The following PRKD3 variants were observed in gnomAD, a reference collection of about 807,000 sequenced individuals.
The protein encoded by PRKD3 is serine/threonine-protein kinase D3.
PRKD3 carries 47 observed loss-of-function variants against 99.2 expected under a neutral mutation model. That is an observed-to-expected ratio of 0.47 (90% CI 0.38 to 0.60). The LOEUF (loss-of-function observed/expected upper bound fraction) is 0.60, where lower values mean the gene tolerates loss of function less well. Ranked by LOEUF, PRKD3 falls within the 20% of genes least tolerant of loss-of-function variation. PRKD3 has a pLI of 0.00. For synonymous variants in PRKD3, 392 were observed against 355.4 expected (o/e 1.10, Z -1.16); for missense variants, 1,019 against 1,088.4 (o/e 0.94, Z 0.90).
rs1466185037 is a variant in PRKD3 at position 37,316,636 on chromosome 2, A to G, written c.-112T>C. ...TGACCGCACTTTTGGATTTAGTTGA[A>G]AACTTCTTTATTTCCTCTGTTAAGC... On this transcript the variant is annotated 5_prime_UTR_variant, in exon 2 of 19. Coordinates refer to ENST00000234179, the MANE Select transcript of PRKD3 (RefSeq NM_005813.6). 1.3e-6 allele frequency: 2 copies of G among 1,482,216 alleles called. No homozygotes were observed. The highest frequency in any genetic ancestry group is 4.8e-5 in the East Asian group (2 of 41,812). 91.8% of individuals were successfully genotyped at this position (1,482,216 alleles called of 1,614,324 possible). A position where few individuals can be genotyped will look rare whatever the true frequency, so the allele number is the denominator to read the frequency against.
At chr2:37,262,899 C>CT (rs909719531) in intron 14 of PRKD3, among the ~76,000 whole-genome samples, 1 of 147,364 alleles carries the variant, frequency 6.8e-6, no homozygotes, top group African/African-American at 2.5e-5. Flanking sequence ...ATTCCTTCCC[C>CT]CCCCCGTATT....
chr2:37,264,919 G>T (rs11124572), intron 14 of PRKD3, among the ~76,000 whole-genome samples: 12,928 of 152,088 alleles, frequency 0.085, 614 homozygotes, highest in African/African-American at 0.11. Flanking sequence ...TGGATACTCC[G>T]GGATAAACTG....
At chr2:37,324,147 G>A in intron 1 of PRKD3, 1 of 984,072 alleles carries the variant, frequency 1.0e-6, no homozygotes, top group Non-Finnish European at 1.2e-6. Flanking sequence ...TCCAAACGCA[G>A]TCGGGATACT....
chr2:37,313,388 T>C (rs975624944), intron 2 of PRKD3, among the ~76,000 whole-genome samples: 1 of 149,700 alleles, frequency 6.7e-6, no homozygotes, highest in South Asian at 2.1e-4. Context: ...GGAGGTACTA[T>C]GGAATTATAT....
rs746183157 is a variant in PRKD3, at chr2:37,274,453, A to T, written c.1619T>A (p.Val540Asp). The change falls in exon 11 of 19, where the codon GTT becomes GAT. Residue 540 changes from valine to aspartate, a missense_variant. Coordinates refer to ENST00000234179, the MANE Select transcript of PRKD3 (RefSeq NM_005813.6). ...TTTCCCTTGCCCTGGAGAAGTGCAAACACTTGCTTGAGGAGTAACAGGCAT... is the reference window on the plus strand; with the variant it reads ...TTTCCCTTGCCCTGGAGAAGTGCAATCACTTGCTTGAGGAGTAACAGGCAT... ...ALMPVTPQAS[V>D]CTSPGQGKDH... The T allele has an allele frequency of 6.2e-7, 1 of 1,614,160 alleles. No homozygotes were observed. The highest frequency in any genetic ancestry group is 1.1e-5 in the South Asian group (1 of 91,080).
intron 1 of PRKD3, among the ~76,000 whole-genome samples, chr2:37,322,105 T>G (rs527353810): frequency 2.6e-5 from 4 of 152,304 alleles, no homozygotes; most frequent in African/African-American, 4.8e-5. Context: ...CCTCTTGACA[T>G]GTATTAATAT....
At chr2:37,311,031 A>G (rs1399598749) in intron 2 of PRKD3, among the ~76,000 whole-genome samples, 1 of 152,168 alleles carries the variant, frequency 6.6e-6, no homozygotes, top group Non-Finnish European at 1.5e-5. Context: ...GCAGAATCAC[A>G]AAACTTTTTA....
chr2:37,270,469 T>C (rs1214858966), intron 12 of PRKD3, among the ~76,000 whole-genome samples: 1 of 152,084 alleles, frequency 6.6e-6, no homozygotes, highest in Non-Finnish European at 1.5e-5. Context: ...CCTCTATCTT[T>C]CCTCACTGCT....
intron 2 of PRKD3, among the ~76,000 whole-genome samples, chr2:37,311,602 C>T (rs1302048757): frequency 6.6e-6 from 1 of 152,158 alleles, no homozygotes; most frequent in African/African-American, 2.4e-5. Flanking sequence ...GCAATTATCA[C>T]ATTAACCTAT....
intron 16 of PRKD3, among the ~76,000 whole-genome samples, chr2:37,257,667 AAAAG>A (rs141444974): frequency 0.44 from 33,887 of 77,232 alleles, 6,005 homozygotes; most frequent in East Asian, 0.69. Context: ...ACTCTGTCTC[AAAAG>A]AAAAAAAAAA....
At position 37,286,213 on chromosome 2, in the gene PRKD3, G is replaced by A; in HGVS notation, c.874C>T (p.Leu292=). The A allele has an allele frequency of 6.2e-7, 1 of 1,613,476 alleles. No homozygotes were observed. The change falls in exon 6 of 19, where the codon CTG becomes TTG. Residue 292 remains leucine (L), a synonymous_variant. Transcript: ENST00000234179. ...PTICQYCKRL[L]KGLFRQGMQC... ...ATTCCTTGGCGAAAGAGGCCTTTCA[G>A]TAACCGCTTGCAGTACTGACATATC...
intron 2 of PRKD3, among the ~76,000 whole-genome samples, chr2:37,310,965 C>G (rs184563151): frequency 6.6e-6 from 1 of 152,118 alleles, no homozygotes; most frequent in Admixed American, 6.5e-5. Flanking sequence ...GAGATTATCA[C>G]GAATTTCTTG....
chr2:37,260,103 T>G (rs1207153875), intron 15 of PRKD3, 120 bp downstream of exon 15: 2 of 844,108 alleles, frequency 2.4e-6, no homozygotes, highest in African/African-American at 3.4e-5. Flanking sequence ...AGGCAGAGGT[T>G]GCAGTGAGCC....
rs144173401 is a variant in PRKD3, at chr2:37,258,692, G to C, written c.2145+891C>G. On this transcript the variant is annotated intron_variant, in intron 16 of 18. Coordinates refer to ENST00000234179, the MANE Select transcript of PRKD3 (RefSeq NM_005813.6). ...AACCCTTTCGACCTCAAAATGATAG[G>C]GAATCACTTTTAACCACATAAACAT... is the stretch of plus-strand genomic sequence containing the variant. Among the ~76,000 whole-genome samples, 130 of 152,130 alleles carry C rather than the reference G, an allele frequency of 8.5e-4. 1 individual carries two copies. Among genetic ancestry groups the C allele is most frequent in the African/African-American group, 2.9e-3 (122 of 41,502 alleles).
intron 2 of PRKD3, among the ~76,000 whole-genome samples, chr2:37,306,164 G>A (rs535010982): frequency 3.3e-5 from 5 of 151,564 alleles, no homozygotes; most frequent in African/African-American, 1.2e-4. Flanking sequence ...TAAGATGGGC[G>A]AGGCTTCTGG....
At chr2:37,267,754 A>C (rs1022322331) in intron 13 of PRKD3, 2 of 454,756 alleles carry the variant, frequency 4.4e-6, no homozygotes, top group Non-Finnish European at 7.7e-6. Context: ...TGCATTATCT[A>C]AACAGGAGAA....
In PRKD3 at chr2:37,301,365, C is replaced by CTT. The variant is rs138708020; in HGVS notation, c.289-8096_289-8095dup. 5.2e-3 allele frequency among the ~76,000 whole-genome samples: 776 copies of CTT among 148,438 alleles called. 10 individuals carry two copies. Among genetic ancestry groups the CTT allele is most frequent in the African/African-American group, 0.017 (710 of 40,604 alleles). ...AGAACAAAGAACAAAGGAGAAGAGC[C>CTT]TTTTTTTTTTCTTTCAGTTGTATAA... On this transcript the variant is annotated intron_variant, in intron 2 of 18. Transcript: ENST00000234179.
intron 1 of PRKD3, among the ~76,000 whole-genome samples, chr2:37,319,456 T>C (rs1558585994): frequency 6.6e-6 from 1 of 152,134 alleles, no homozygotes; most frequent in Non-Finnish European, 1.5e-5. Context: ...CTGGGAGAAA[T>C]AAACTAAAAT....
intron 12 of PRKD3, among the ~76,000 whole-genome samples, chr2:37,271,253 C>A (rs1477388625): frequency 6.6e-6 from 1 of 152,010 alleles, no homozygotes; most frequent in African/African-American, 2.4e-5. Flanking sequence ...CAGGGGTTAG[C>A]AAACTCCAGC....
Sources: gnomAD v4.1 joint callset for allele counts (sites outside exome capture counted in the v4.1 genomes callset) on GRCh38, gnomAD v4.1.1 for gene constraint, MANE v1.5 for transcripts, NCBI Gene and HGNC (gene_info 2026-07-23, HGNC 2026-07-21) for gene names.